MTPN: variants seen among roughly 807,000 people sequenced by gnomAD.
MTPN encodes granule cell differentiation protein.
Under a neutral mutation model 13.5 loss-of-function variants are expected in MTPN, and 2 were observed. The ratio of observed to expected loss-of-function variants is 0.15; its 90% confidence interval spans 0.06 to 0.47. The LOEUF is 0.47. MTPN is among the 20% of genes least tolerant of loss of function. MTPN has a pLI of 0.97. For missense variants in MTPN, 79 were observed against 137.9 expected, an observed-to-expected ratio of 0.57 and a Z score of 2.14; for synonymous variants, 46 against 51.7, an observed-to-expected ratio of 0.89 and a Z score of 0.48.
chr7:135,957,964 T>C (rs1001198879), intron 1 of MTPN, among the ~76,000 whole-genome samples: 1 of 152,164 alleles, frequency 6.6e-6, no homozygotes, highest in East Asian at 1.9e-4. Flanking sequence ...ATCAGAATCA[T>C]GAACCAAATA....
chr7:135,954,009 A>G (rs1418721097), intron 1 of MTPN, among the ~76,000 whole-genome samples: 1 of 152,186 alleles, frequency 6.6e-6, no homozygotes, highest in African/African-American at 2.4e-5. Context: ...AGGATGTATA[A>G]TGTGCCTAAA....
intron 3 of MTPN, among the ~76,000 whole-genome samples, chr7:135,938,999 G>A (rs151256736): frequency 4.5e-4 from 69 of 152,034 alleles, no homozygotes; most frequent in African/African-American, 1.6e-3. Flanking sequence ...CACAGTACTT[G>A]TTACTACCTG....
Position 135,977,275 on chromosome 7 carries a change from G to C in MTPN, c.-175C>G. 1 of 650,024 alleles carries C rather than the reference G, an allele frequency of 1.5e-6. No homozygotes were observed. The highest frequency in any genetic ancestry group is 2.7e-6 in the Non-Finnish European group (1 of 369,744). 40.3% of individuals were successfully genotyped at this position (650,024 alleles called of 1,614,324 possible). A position where few individuals can be genotyped will look rare whatever the true frequency, so the allele number is the denominator to read the frequency against. On this transcript the variant is annotated 5_prime_UTR_variant, in exon 1 of 4. Transcript: ENST00000393085. ...GCAGTTGGCCGCGGCGACCGTTCGG[G>C]CGGGAGAAAGAAAGTTCTTTTGCGG...
At position 135,927,552 on chromosome 7, in the gene MTPN, A is replaced by G. The variant is rs1203733678; in HGVS notation, c.*2374T>C. 10 of 754,910 alleles carry G rather than the reference A, an allele frequency of 1.3e-5. No homozygotes were observed. The Admixed American group carries it at 2.4e-4, about 18-fold the overall frequency. The allele number at this position is 754,910 out of a possible 1,614,324, so 46.8% of individuals were successfully genotyped here. On this transcript the variant is annotated 3_prime_UTR_variant, in exon 4 of 4. Coordinates refer to ENST00000393085, the MANE Select transcript of MTPN (RefSeq NM_145808.4). ...TTTCGCTAATGCATGTAGTACCAGA[A>G]AGCAAACATGGTTTTAGCTTCCTTT... is the stretch of plus-strand genomic sequence containing the variant.
chr7:135,948,493 TCA>T, intron 3 of MTPN, among the ~76,000 whole-genome samples: 1 of 152,154 alleles, frequency 6.6e-6, no homozygotes, highest in African/African-American at 2.4e-5. Flanking sequence ...GTAAGACAAC[TCA>T]CAATCAATAA....
intron 1 of MTPN, among the ~76,000 whole-genome samples, chr7:135,966,198 G>A (rs1799601252): frequency 6.6e-6 from 1 of 152,070 alleles, no homozygotes; most frequent in Non-Finnish European, 1.5e-5. Flanking sequence ...AGAAATACAA[G>A]TGTTCCTCTA....
intron 3 of MTPN, among the ~76,000 whole-genome samples, chr7:135,946,378 G>A (rs1179831724): frequency 6.6e-6 from 1 of 152,204 alleles, no homozygotes; most frequent in African/African-American, 2.4e-5. Flanking sequence ...CACTCACCTT[G>A]TAGCACTTAG....
chr7:135,941,886 T>A (rs1584808492), intron 3 of MTPN, among the ~76,000 whole-genome samples: 2 of 151,252 alleles, frequency 1.3e-5, no homozygotes, highest in South Asian at 4.2e-4. Flanking sequence ...TATTACTTTT[T>A]TTTTTTTTTT....
chr7:135,954,475 C>T (rs1355010704), intron 1 of MTPN, among the ~76,000 whole-genome samples: 1 of 152,188 alleles, frequency 6.6e-6, no homozygotes, highest in Non-Finnish European at 1.5e-5. Flanking sequence ...GCAAAGAATG[C>T]TTAACAATTC....
intron 1 of MTPN, among the ~76,000 whole-genome samples, chr7:135,972,304 C>T (rs1184968790): frequency 6.6e-6 from 1 of 151,904 alleles, no homozygotes; most frequent in Non-Finnish European, 1.5e-5. Flanking sequence ...TCCAGTTATG[C>T]TACTTAGTTT....
chr7:135,945,991 T>C (rs1799282736), intron 3 of MTPN, among the ~76,000 whole-genome samples: 4 of 152,170 alleles, frequency 2.6e-5, no homozygotes, highest in Admixed American at 2.6e-4. Flanking sequence ...AGAACAACTA[T>C]AACATGCTAA....
chr7:135,948,670 T>A (rs1439354654), intron 3 of MTPN, among the ~76,000 whole-genome samples: 2 of 152,176 alleles, frequency 1.3e-5, no homozygotes, highest in Non-Finnish European at 2.9e-5. Context: ...CCTCATGTTT[T>A]GGGAATAAGG....
intron 1 of MTPN, among the ~76,000 whole-genome samples, chr7:135,967,303 A>G (rs1365117871): frequency 6.6e-6 from 1 of 152,188 alleles, no homozygotes; most frequent in Non-Finnish European, 1.5e-5. Context: ...GAAACAATAA[A>G]CTGCACAAGC....
chr7:135,945,983 A>G (rs1291385764), intron 3 of MTPN, among the ~76,000 whole-genome samples: 1 of 152,182 alleles, frequency 6.6e-6, no homozygotes, highest in Non-Finnish European at 1.5e-5. Context: ...AATAAAATAG[A>G]ACAACTATAA....
At chr7:135,941,239 C>A (rs1317788210) in intron 3 of MTPN, among the ~76,000 whole-genome samples, 1 of 152,144 alleles carries the variant, frequency 6.6e-6, no homozygotes, top group African/African-American at 2.4e-5. Context: ...TCAGAATAAT[C>A]CTGGGGTATG....
chr7:135,951,079 C>T (rs1165959210), intron 2 of MTPN, among the ~76,000 whole-genome samples: 1 of 152,142 alleles, frequency 6.6e-6, no homozygotes, highest in Non-Finnish European at 1.5e-5. Context: ...CATGGCATCC[C>T]CTGAAATACA....
At position 135,929,837 on chromosome 7, in the gene MTPN, A is replaced by G; in HGVS notation, c.*89T>C. 8.0e-7 allele frequency: 1 copy of G among 1,252,344 alleles called. No homozygotes were observed. The highest frequency in any genetic ancestry group is 1.2e-6 in the Non-Finnish European group (1 of 852,880). 77.6% of individuals were successfully genotyped at this position (1,252,344 alleles called of 1,614,324 possible). ...CCCTCTTAAAGTATTTAGCTGAAGA[A>G]GCTGGCAGATAGAGAGTGACAGACA... On this transcript the variant is annotated 3_prime_UTR_variant, in exon 4 of 4. Coordinates refer to ENST00000393085, the MANE Select transcript of MTPN (RefSeq NM_145808.4).
intron 3 of MTPN, among the ~76,000 whole-genome samples, chr7:135,931,110 G>A (rs1473308250): frequency 6.6e-6 from 1 of 152,082 alleles, no homozygotes; most frequent in African/African-American, 2.4e-5. Flanking sequence ...GGCTCTAGAT[G>A]GGATGCCTTA....
At chr7:135,965,616 G>A (rs199614554) in intron 1 of MTPN, among the ~76,000 whole-genome samples, 1 of 152,052 alleles carries the variant, frequency 6.6e-6, no homozygotes, top group Non-Finnish European at 1.5e-5. Context: ...TAGTGAGACT[G>A]TATAGTGTTA....
Sources: allele counts gnomAD v4.1 joint callset (sites outside exome capture counted in the v4.1 genomes callset), GRCh38; gene constraint gnomAD v4.1.1; transcripts MANE v1.5; gene names NCBI Gene and HGNC (gene_info 2026-07-23, HGNC 2026-07-21).